N4BP2: variants seen among roughly 807,000 people sequenced by gnomAD.
N4BP2 encodes the protein NEDD4 binding protein 2.
N4BP2 carries 91 observed loss-of-function variants against 152.8 expected under a neutral mutation model. The ratio of observed to expected loss-of-function variants is 0.60; its 90% CI spans 0.50 to 0.71. The LOEUF (loss-of-function observed/expected upper bound fraction) is 0.71, where lower values mean the gene tolerates loss of function less well. N4BP2 is among the 30% of genes least tolerant of loss of function. The probability of loss-of-function intolerance (pLI) is 0.00; values close to 1 mark genes in which losing one functional copy is unlikely to be tolerated. For missense variants in N4BP2, 1,923 were observed against 2,059.1 expected (o/e 0.93, Z 1.28); for synonymous variants, 646 against 705.3 (o/e 0.92, Z 1.33).
rs1176401197 is a variant in N4BP2, at chr4:40,120,359, T to C, written c.2248T>C (p.Ser750Pro). Residue 750 changes from serine to proline, a missense_variant, in exon 9 of 18, where the codon TCC becomes CCC. Coordinates refer to ENST00000261435, the MANE Select transcript of N4BP2 (RefSeq NM_018177.6). ...TAGTGGACCACTTCAAAATGAAAAATCCTCACCTGGTGAAATAGTGGAAGA... is the reference window on the plus strand; with the variant it reads ...TAGTGGACCACTTCAAAATGAAAAACCCTCACCTGGTGAAATAGTGGAAGA... ...ANSGPLQNEK[S>P]SPGEIVEERA... The C allele has an allele frequency of 1.9e-6, 3 of 1,612,542 alleles. No individual in the cohort carries two copies. The African/African-American group carries it at 4.0e-5, about 22-fold the overall frequency.
chr4:40,122,710 A>G (rs1166688224), intron 9 of N4BP2, among the ~76,000 whole-genome samples: 5 of 152,372 alleles, frequency 3.3e-5, no homozygotes, highest in African/African-American at 1.2e-4. Flanking sequence ...TATTTATCCC[A>G]TACATAGTTT....
At chr4:40,159,980 T>C (rs2109304343), downstream of N4BP2, among the ~76,000 whole-genome samples, 1 of 152,046 alleles carries the variant, frequency 6.6e-6, no homozygotes, top group Admixed American at 6.5e-5. Context: ...CCACCATGCC[T>C]GACTCATTTT....
At chr4:40,057,444 G>A (rs980093459) in intron 1 of N4BP2, among the ~76,000 whole-genome samples, 1 of 152,250 alleles carries the variant, frequency 6.6e-6, no homozygotes, top group Admixed American at 6.5e-5. Flanking sequence ...GCCAGGCGGA[G>A]CCTTCTGGGA....
At chr4:40,129,051 T>TTTTTC (rs928557517) in intron 12 of N4BP2, among the ~76,000 whole-genome samples, 6 of 152,068 alleles carry the variant, frequency 3.9e-5, no homozygotes, top group Admixed American at 1.3e-4. Flanking sequence ...CTTGTTTTTC[T>TTTTTC]TTTTCTTTTC....
At chr4:40,185,682 T>C in the N4BP2 span, among the ~76,000 whole-genome samples, 1 of 152,200 alleles carries the variant, frequency 6.6e-6, no homozygotes, top group East Asian at 1.9e-4. Context: ...CAAAAAACAT[T>C]TGTTTATGAC....
intron 11 of N4BP2, among the ~76,000 whole-genome samples, chr4:40,124,539 G>T (rs925280300): frequency 6.6e-6 from 1 of 151,976 alleles, no homozygotes; most frequent in African/African-American, 2.4e-5. Flanking sequence ...TAGAGACGGG[G>T]TTTCACCATA....
At chr4:40,141,460 C>A (rs1408540319) in intron 14 of N4BP2, among the ~76,000 whole-genome samples, 5 of 149,480 alleles carry the variant, frequency 3.3e-5, no homozygotes, top group African/African-American at 9.9e-5. Context: ...GGCGGCGGGG[C>A]AGAGGCGCTC....
At chr4:40,161,339 A>C (rs991928092), downstream of N4BP2, among the ~76,000 whole-genome samples, 1 of 152,248 alleles carries the variant, frequency 6.6e-6, no homozygotes, top group African/African-American at 2.4e-5. Context: ...ATCAGGATGC[A>C]ATTACCAGGA....
At chr4:40,084,717 C>T (rs1435083975) in intron 2 of N4BP2, among the ~76,000 whole-genome samples, 1 of 150,470 alleles carries the variant, frequency 6.6e-6, no homozygotes, top group Non-Finnish European at 1.5e-5. Flanking sequence ...GTAACCTCTG[C>T]CTCCCGGGTT....
chr4:40,190,259 C>G, the N4BP2 span, among the ~76,000 whole-genome samples: 1 of 152,168 alleles, frequency 6.6e-6, no homozygotes, highest in Non-Finnish European at 1.5e-5. Context: ...AGTATTATAG[C>G]AAGTGTTCAG....
At chr4:40,096,932 T>A (rs565593921) in intron 2 of N4BP2, among the ~76,000 whole-genome samples, 1 of 152,308 alleles carries the variant, frequency 6.6e-6, no homozygotes, top group East Asian at 1.9e-4. Context: ...CATCTGAGTA[T>A]AGGTGTTCAG....
At chr4:40,186,361 C>T in the N4BP2 span, among the ~76,000 whole-genome samples, 1 of 148,958 alleles carries the variant, frequency 6.7e-6, no homozygotes, top group Admixed American at 6.7e-5. Flanking sequence ...GGTAGACTTG[C>T]TCAATGAAAT....
At chr4:40,105,250 C>G (rs1246781462) in intron 4 of N4BP2, among the ~76,000 whole-genome samples, 1 of 151,778 alleles carries the variant, frequency 6.6e-6, no homozygotes, top group Non-Finnish European at 1.5e-5. Context: ...AAGGGTTTAA[C>G]AAGCTCTGAT....
intron 2 of N4BP2, among the ~76,000 whole-genome samples, chr4:40,094,600 G>A (rs1008997921): frequency 3.9e-5 from 6 of 151,988 alleles, no homozygotes; most frequent in African/African-American, 1.5e-4. Context: ...TTGTTGCCCA[G>A]GCTGGAGTGC....
intron 2 of N4BP2, among the ~76,000 whole-genome samples, chr4:40,091,577 C>T (rs1341963334): frequency 6.7e-6 from 1 of 150,306 alleles, no homozygotes; most frequent in Non-Finnish European, 1.5e-5. Context: ...CTGGAATAAA[C>T]CCCATTTCAT....
chr4:40,103,095 C>G lies in N4BP2; in HGVS notation c.1250C>G (p.Thr417Arg). The G allele has an allele frequency of 1.9e-6, 3 of 1,614,190 alleles. No individual in the cohort carries two copies. The East Asian group carries it at 6.7e-5, about 36-fold the overall frequency. ...AAAGTATGGAGAAATAAAGATGGAA[C>G]AAGTGCTTATCAAGTACAAGAAACC... ...PTKVWRNKDGTSAYQVQETPV... is the reference protein window; with the variant it reads ...PTKVWRNKDGRSAYQVQETPV... Residue 417 changes from threonine to arginine, a missense_variant, in exon 4 of 18, where the codon ACA becomes AGA. Thr to Arg is a moderately conservative substitution (Grantham distance 71). Transcript: ENST00000261435.
chr4:40,178,438 GAA>G, the N4BP2 span, among the ~76,000 whole-genome samples: 1 of 147,338 alleles, frequency 6.8e-6, no homozygotes, highest in Non-Finnish European at 1.5e-5. Context: ...AAAAAAAAAA[GAA>G]AAGAAAAACC....
At chr4:40,137,137 T>C (rs978862462) in intron 14 of N4BP2, 55 bp downstream of exon 14, 39 of 1,374,500 alleles carry the variant, frequency 2.8e-5, no homozygotes, top group African/African-American at 1.0e-4. Flanking sequence ...TATAAAAATA[T>C]AATTGGTTCA....
chr4:40,122,527 C>G (rs1229406498), intron 9 of N4BP2, among the ~76,000 whole-genome samples: 1 of 152,122 alleles, frequency 6.6e-6, no homozygotes, highest in African/African-American at 2.4e-5. Flanking sequence ...GCATGTGCCA[C>G]CGTACCTGGC....
Sources: gnomAD v4.1 joint callset for allele counts (sites outside exome capture counted in the v4.1 genomes callset) on GRCh38, gnomAD v4.1.1 for gene constraint, MANE v1.5 for transcripts, NCBI Gene and HGNC (gene_info 2026-07-23, HGNC 2026-07-21) for gene names.